ERMP1: variants seen among roughly 807,000 people sequenced by gnomAD.
The protein encoded by ERMP1 is Felix-ina.
A neutral mutation model predicts 92.0 loss-of-function variants in ERMP1; 86 were observed. The observed-to-expected ratio is 0.93, with a 90% CI of 0.79 to 1.12. The LOEUF (loss-of-function observed/expected upper bound fraction) is 1.12, where lower values mean the gene tolerates loss of function less well. Ranked by LOEUF, ERMP1 falls within the 50% of genes most tolerant of loss-of-function variation. The pLI is 0.00. For missense variants in ERMP1, 1,342 were observed against 1,116.3 expected, an observed-to-expected ratio of 1.20 and a Z score of -2.88; for synonymous variants, 530 against 412.8, an observed-to-expected ratio of 1.28 and a Z score of -3.44.
At chr9:5,826,229 A>G (rs1829727466) in intron 2 of ERMP1, among the ~76,000 whole-genome samples, 1 of 152,254 alleles carries the variant, frequency 6.6e-6, no homozygotes, top group Non-Finnish European at 1.5e-5. Context: ...TCCATATCAG[A>G]AAACTTAAAG....
In ERMP1 at chr9:5,810,075, TACAG is replaced by T. The variant is rs760179064; in HGVS notation, c.1480_1483del (p.Leu494MetfsTer6). The T allele has an allele frequency of 6.2e-7, 1 of 1,614,004 alleles. No individual in the cohort carries two copies. The highest frequency in any genetic ancestry group is 1.1e-5 in the South Asian group (1 of 91,074). On this transcript the variant is annotated frameshift_variant, in exon 8 of 15. Coordinates refer to ENST00000339450, the MANE Select transcript of ERMP1 (RefSeq NM_024896.3). LOFTEE classifies it high-confidence loss of function. ...TATTTTGGCTACAGTTGCAGTTCCATACAGACAAACGGAGACATAGAAGTGGTTA... is the reference window on the plus strand; with the variant it reads ...TATTTTGGCTACAGTTGCAGTTCCATACAAACGGAGACATAGAAGTGGTTA...
Position 5,833,066 on chromosome 9 carries a change from C to G in ERMP1, c.-39G>C. On this transcript the variant is annotated 5_prime_UTR_variant, in exon 1 of 15. Coordinates refer to ENST00000339450, the MANE Select transcript of ERMP1 (RefSeq NM_024896.3). ...AGCTGCCAGCCCAACCGCCCCAACC[C>G]GCGACAGCCCCGGCCGCCGCCGACG... 7.1e-7 allele frequency: 1 copy of G among 1,411,522 alleles called. No homozygotes were observed. The highest frequency in any genetic ancestry group is 1.5e-5 in the African/African-American group (1 of 66,598). 87.4% of individuals were successfully genotyped at this position (1,411,522 alleles called of 1,614,324 possible).
Position 5,811,135 on chromosome 9 carries a change from T to G in ERMP1, c.1303A>C (p.Lys435Gln), listed in dbSNP as rs202014818. The G allele has an allele frequency of 8.1e-6, 13 of 1,613,942 alleles. No homozygotes were observed. In the East Asian group the frequency reaches 2.9e-4, roughly 36 times the overall value. Residue 435 changes from lysine to glutamine, a missense_variant, in exon 7 of 15, where the codon AAA (lysine) becomes CAA (glutamine). Coordinates refer to ENST00000339450, the MANE Select transcript of ERMP1 (RefSeq NM_024896.3). ...VMGVVLYLGK[K>Q]FLQPKHKTGN... The stretch of plus-strand genomic sequence containing the variant: ...CTCTTATGTTTGGGCTGCAAAAATT[T>G]TTTGCCCAGGTACAAAACAACACCC...
intron 6 of ERMP1, among the ~76,000 whole-genome samples, chr9:5,858,231 T>A (rs1054210395): frequency 2.6e-5 from 4 of 151,938 alleles, no homozygotes; most frequent in African/African-American, 9.7e-5. Context: ...GGAACCCAGA[T>A]TGGGGAAGTA....
Position 5,833,045 on chromosome 9 carries a change from G to C in ERMP1, c.-18C>G. The stretch of plus-strand genomic sequence containing the variant: ...CACTCCATGGCCACGAGCCTCAGCT[G>C]CCAGCCCAACCGCCCCAACCCGCGA... On this transcript the variant is annotated 5_prime_UTR_variant, in exon 1 of 15. Transcript: ENST00000339450. 6.8e-7 allele frequency: 1 copy of C among 1,466,362 alleles called. No homozygotes were observed. The highest frequency in any genetic ancestry group is 1.5e-5 in the African/African-American group (1 of 68,428). The allele number at this position is 1,466,362 out of a possible 1,614,324, so 90.8% of individuals were successfully genotyped here. A position where few individuals can be genotyped will look rare whatever the true frequency, so the allele number is the denominator to read the frequency against.
intron 7 of ERMP1, among the ~76,000 whole-genome samples, chr9:5,810,784 G>C (rs145062410): frequency 8.6e-5 from 13 of 151,964 alleles, no homozygotes; most frequent in Non-Finnish European, 1.6e-4. Flanking sequence ...TTCATACTTC[G>C]TGACACTGGT....
chr9:5,855,444 G>A (rs1830362385), intron 6 of ERMP1, among the ~76,000 whole-genome samples: 1 of 152,210 alleles, frequency 6.6e-6, no homozygotes, highest in Non-Finnish European at 1.5e-5. Flanking sequence ...CCTTTGAGGG[G>A]ATGAGGAGAA....
chr9:5,832,807 G>A lies in ERMP1; in HGVS notation c.221C>T (p.Ala74Val), dbSNP rs4145822. The A allele has an allele frequency of 4.0e-6, 6 of 1,501,610 alleles. No homozygotes were observed. The highest frequency in any genetic ancestry group is 4.4e-6 in the Non-Finnish European group (5 of 1,133,566). The allele number at this position is 1,501,610 out of a possible 1,614,324, so 93.0% of individuals were successfully genotyped here. The change falls in exon 1 of 15, where the codon GCG becomes GTG. Residue 74 changes from alanine (A) to valine (V), a missense_variant. Ala to Val is a moderately conservative substitution (Grantham distance 64, BLOSUM62 0). Transcript: ENST00000339450. ...GATCAGGTAGAGCGCGAGCCCCAGCGCGGCGCGCACCTCAGACAGCCCGGT... is the reference window on the plus strand; with the variant it reads ...GATCAGGTAGAGCGCGAGCCCCAGCACGGCGCGCACCTCAGACAGCCCGGT... ...AGTGLSEVRA[A>V]LGLALYLIAL...
intron 6 of ERMP1, among the ~76,000 whole-genome samples, chr9:5,849,666 T>C (rs1830282066): frequency 6.6e-6 from 1 of 152,236 alleles, no homozygotes; most frequent in African/African-American, 2.4e-5. Flanking sequence ...CTGTGATTCT[T>C]GGTTAATAAA....
intron 6 of ERMP1, among the ~76,000 whole-genome samples, chr9:5,847,571 G>T (rs1830252274): frequency 6.7e-6 from 1 of 149,570 alleles, no homozygotes; most frequent in Admixed American, 6.7e-5. Flanking sequence ...CCCCAATTTT[G>T]TTCCTTCTCT....
rs549266100 is a variant in ERMP1 at position 5,829,019 on chromosome 9, G to A, written c.640+1708C>T. Among the ~76,000 whole-genome samples the A allele has an allele frequency of 4.6e-5, 7 of 152,022 alleles. No individual in the cohort carries two copies. In the South Asian group the frequency reaches 1.0e-3, roughly 23 times the overall value. The stretch of plus-strand genomic sequence containing the variant: ...AGAAATTTGGGAGACTGAGGTAGGC[G>A]GATCACTTGAGGTCAGGAGTTCAAG... On this transcript the variant is annotated intron_variant, in intron 2 of 14. Transcript: ENST00000339450.
chr9:5,857,513 A>T (rs928152798), intron 6 of ERMP1, among the ~76,000 whole-genome samples: 2 of 152,194 alleles, frequency 1.3e-5, no homozygotes, highest in African/African-American at 4.8e-5. Context: ...CGAATTTGCA[A>T]ATATAGAATC....
intron 11 of ERMP1, 130 bp from the exon 12 acceptor site, chr9:5,799,138 G>C (rs1828569148): frequency 1.6e-6 from 1 of 629,778 alleles, no homozygotes; most frequent in Non-Finnish European, 2.8e-6. Flanking sequence ...AAGACACTGA[G>C]AGTTTCTAAG....
At chr9:5,797,544 A>G (rs1828480557) in intron 13 of ERMP1, among the ~76,000 whole-genome samples, 1 of 151,852 alleles carries the variant, frequency 6.6e-6, no homozygotes, top group Non-Finnish European at 1.5e-5. Context: ...AATACTCAGG[A>G]GGCTGAGGCA....
At chr9:5,835,063 T>C (rs77442989), upstream of ERMP1, among the ~76,000 whole-genome samples, 1,412 of 151,072 alleles carry the variant, frequency 9.3e-3, 31 homozygotes, top group East Asian at 0.061. Context: ...AAAACTATTT[T>C]TCAGAATTTT....
At chr9:5,811,583 A>G (rs1829098207) in intron 6 of ERMP1, among the ~76,000 whole-genome samples, 1 of 152,156 alleles carries the variant, frequency 6.6e-6, no homozygotes, top group Non-Finnish European at 1.5e-5. Context: ...CGCTCAGCCA[A>G]CTGGCCTGTA....
chr9:5,854,096 G>C (rs1388058474), intron 6 of ERMP1, among the ~76,000 whole-genome samples: 2 of 152,048 alleles, frequency 1.3e-5, no homozygotes, highest in African/African-American at 4.8e-5. Context: ...TTAGATAAAA[G>C]AAAGGGGTTT....
intron 6 of ERMP1, among the ~76,000 whole-genome samples, chr9:5,845,782 G>A (rs566560868): frequency 1.4e-4 from 22 of 152,300 alleles, no homozygotes; most frequent in African/African-American, 5.1e-4. Context: ...GGGCTCTTTG[G>A]GTATTTTTGT....
In ERMP1 at chr9:5,799,022, A is replaced by T; in HGVS notation, c.2068-14T>A. ...TCTAGTCATATGCTGAAAAAAAAAG[A>T]CTAGTGAAAAAACTGTTTCAACTAG... On this transcript the variant is annotated splice_polypyrimidine_tract_variant and intron_variant, in intron 11 of 14. Transcript: ENST00000339450. 1 of 1,601,678 alleles carries T rather than the reference A, an allele frequency of 6.2e-7. No homozygotes were observed.
Sources: gnomAD v4.1 joint callset for allele counts (sites outside exome capture counted in the v4.1 genomes callset) on GRCh38, gnomAD v4.1.1 for gene constraint, MANE v1.5 for transcripts, NCBI Gene and HGNC (gene_info 2026-07-23, HGNC 2026-07-21) for gene names.